Variants in PRKG1 observed in about 807,000 individuals in gnomAD.
PRKG1 encodes cGMP-dependent protein kinase 1.
In PRKG1, 35 loss-of-function variants were observed where a neutral mutation model predicts 88.1. That is an observed-to-expected ratio of 0.40 (90% confidence interval 0.30 to 0.53). PRKG1 has a LOEUF of 0.53. Among genes scored for constraint, PRKG1 ranks in the 20% least tolerant of loss-of-function variants. The pLI is 0.59. For missense variants in PRKG1, 540 were observed against 839.8 expected, an observed-to-expected ratio of 0.64 and a Z score of 4.41; for synonymous variants, 303 against 292.5, an observed-to-expected ratio of 1.04 and a Z score of -0.37.
At chr10:51,601,546 C>T (rs776903884) in intron 3 of PRKG1, among the ~76,000 whole-genome samples, 3 of 152,004 alleles carry the variant, frequency 2.0e-5, no homozygotes, top group Non-Finnish European at 4.4e-5. Flanking sequence ...GTGTCCAGAT[C>T]CCTGATCACA....
rs567310948 is a variant in PRKG1, at chr10:51,295,397, AT to A, written c.478+142068del. Among the ~76,000 whole-genome samples, 785 of 152,108 alleles carry A rather than the reference AT, an allele frequency of 5.2e-3. 4 individuals carry two copies. The highest frequency in any genetic ancestry group is 6.9e-3 in the Non-Finnish European group (471 of 68,000). ...TTTATTCTTTTTGTTACTATTATGA[AT>A]GGGATTGTTTTCTTAATTTTCCTTT... On this transcript the variant is annotated intron_variant, in intron 2 of 17. Coordinates refer to ENST00000373980, the MANE Select transcript of PRKG1 (RefSeq NM_006258.4).
chr10:51,455,427 C>CA (rs1196261955), intron 2 of PRKG1, among the ~76,000 whole-genome samples: 1 of 152,158 alleles, frequency 6.6e-6, no homozygotes, highest in Non-Finnish European at 1.5e-5. Flanking sequence ...AATTTCTCCT[C>CA]AAAAAATGGG....
intron 2 of PRKG1, among the ~76,000 whole-genome samples, chr10:51,274,362 T>G (rs1840060373): frequency 6.6e-6 from 1 of 152,190 alleles, no homozygotes; most frequent in Non-Finnish European, 1.5e-5. Flanking sequence ...AAGTTGCAAT[T>G]TGGCTTTGAT....
At chr10:52,171,278 C>G (rs879492990) in intron 9 of PRKG1, among the ~76,000 whole-genome samples, 5 of 151,970 alleles carry the variant, frequency 3.3e-5, no homozygotes, top group Non-Finnish European at 7.4e-5. Flanking sequence ...TTGTTTTCCC[C>G]TATGGAACGA....
At chr10:52,043,406 G>T (rs758127383) in intron 5 of PRKG1, among the ~76,000 whole-genome samples, 9 of 152,074 alleles carry the variant, frequency 5.9e-5, no homozygotes, top group African/African-American at 9.6e-5. Flanking sequence ...TAAAATCCTG[G>T]CATTTGTGAC....
intron 3 of PRKG1, chr10:51,698,966 A>G (rs1056166157): frequency 1.2e-6 from 2 of 1,614,242 alleles, no homozygotes; most frequent in Non-Finnish European, 8.5e-7. Context: ...TGTGACATGT[A>G]TCTTCCGATG....
At chr10:51,886,284 T>C (rs1484406538) in intron 4 of PRKG1, among the ~76,000 whole-genome samples, 1 of 152,182 alleles carries the variant, frequency 6.6e-6, no homozygotes, top group Non-Finnish European at 1.5e-5. Context: ...TATTTATATG[T>C]ATTATATATT....
chr10:51,151,553 C>T (rs1386153329), intron 1 of PRKG1, among the ~76,000 whole-genome samples: 1 of 135,848 alleles, frequency 7.4e-6, no homozygotes, highest in Non-Finnish European at 1.6e-5. Context: ...TCTTCAAAAC[C>T]TATGTTTTTG....
intron 7 of PRKG1, among the ~76,000 whole-genome samples, chr10:52,091,667 A>T (rs1847059399): frequency 6.6e-6 from 1 of 152,192 alleles, no homozygotes; most frequent in Non-Finnish European, 1.5e-5. Flanking sequence ...CAGTGGGTTA[A>T]ACAGTCTTGG....
intron 1 of PRKG1, among the ~76,000 whole-genome samples, chr10:51,015,261 T>C (rs1019811515): frequency 1.3e-5 from 2 of 152,356 alleles, no homozygotes; most frequent in Non-Finnish European, 2.9e-5. Context: ...AATTCCAAGT[T>C]ACAATTACTA....
chr10:51,681,753 G>A (rs1259052062), intron 3 of PRKG1, among the ~76,000 whole-genome samples: 4 of 151,916 alleles, frequency 2.6e-5, no homozygotes, highest in Non-Finnish European at 5.9e-5. Flanking sequence ...ACTATTTATA[G>A]GTAAAACACA....
intron 8 of PRKG1, among the ~76,000 whole-genome samples, chr10:52,149,486 A>C (rs1260632251): frequency 6.6e-6 from 1 of 152,068 alleles, no homozygotes; most frequent in Non-Finnish European, 1.5e-5. Context: ...AGGTATAATA[A>C]TTAAGGTTAA....
At chr10:51,797,233 T>C (rs1839035925) in intron 3 of PRKG1, among the ~76,000 whole-genome samples, 1 of 150,772 alleles carries the variant, frequency 6.6e-6, no homozygotes, top group Non-Finnish European at 1.5e-5. Flanking sequence ...AAACAAAGCA[T>C]GAAACACCAT....
chr10:51,547,226 T>C (rs1473854580), intron 3 of PRKG1, among the ~76,000 whole-genome samples: 1 of 152,116 alleles, frequency 6.6e-6, no homozygotes, highest in African/African-American at 2.4e-5. Context: ...CTTTTGAGAA[T>C]ATTCACATCT....
chr10:51,927,695 T>A (rs1013083907), intron 5 of PRKG1, among the ~76,000 whole-genome samples: 1 of 152,148 alleles, frequency 6.6e-6, no homozygotes, highest in Non-Finnish European at 1.5e-5. Context: ...TTCCTATCTC[T>A]GCAGTGCTTT....
chr10:51,881,675 G>A (rs1841441618), intron 4 of PRKG1, among the ~76,000 whole-genome samples: 1 of 152,174 alleles, frequency 6.6e-6, no homozygotes, highest in African/African-American at 2.4e-5. Flanking sequence ...TCTATTTTTA[G>A]GAGTTGTGCT....
chr10:51,441,488 C>T (rs1236714264), intron 2 of PRKG1, among the ~76,000 whole-genome samples: 1 of 151,908 alleles, frequency 6.6e-6, no homozygotes, highest in Non-Finnish European at 1.5e-5. Flanking sequence ...CTTATATTCT[C>T]ATTTTTCACT....
At chr10:51,125,969 A>G (rs1845388026) in intron 1 of PRKG1, among the ~76,000 whole-genome samples, 1 of 127,998 alleles carries the variant, frequency 7.8e-6, no homozygotes, top group Non-Finnish European at 1.5e-5. Flanking sequence ...ATGAATATAT[A>G]ATTATATATA....
At chr10:51,713,626 A>T (rs1841814052) in intron 3 of PRKG1, among the ~76,000 whole-genome samples, 1 of 152,232 alleles carries the variant, frequency 6.6e-6, no homozygotes, top group African/African-American at 2.4e-5. Flanking sequence ...GTAAAGAAAA[A>T]CACGTAAAAC....
Sources: gnomAD v4.1 joint callset for allele counts (sites outside exome capture counted in the v4.1 genomes callset) on GRCh38, gnomAD v4.1.1 for gene constraint, MANE v1.5 for transcripts, NCBI Gene and HGNC (gene_info 2026-07-23, HGNC 2026-07-21) for gene names.